EBF1: variants seen among roughly 807,000 people sequenced by gnomAD.
The protein encoded by EBF1 is EBF transcription factor 1.
A neutral mutation model predicts 68.4 loss-of-function variants in EBF1; 10 were observed. The observed-to-expected ratio is 0.15, with a 90% CI of 0.09 to 0.25. The LOEUF (loss-of-function observed/expected upper bound fraction) is 0.25, where lower values mean the gene tolerates loss of function less well. EBF1 is among the 10% of genes least tolerant of loss of function. The probability of loss-of-function intolerance (pLI) is 1.00; values close to 1 mark genes in which losing one functional copy is unlikely to be tolerated. For missense variants in EBF1, 509 were observed against 794.4 expected, an observed-to-expected ratio of 0.64 and a Z score of 4.32; for synonymous variants, 298 against 299.8, an observed-to-expected ratio of 0.99 and a Z score of 0.06.
At chr5:159,040,073 G>A (rs1438054453) in intron 6 of EBF1, among the ~76,000 whole-genome samples, 7 of 152,128 alleles carry the variant, frequency 4.6e-5, no homozygotes, top group East Asian at 1.9e-4. Flanking sequence ...ACAAAAGGAC[G>A]TAGATCCATT....
At chr5:159,043,979 G>A (rs1253997771) in intron 6 of EBF1, among the ~76,000 whole-genome samples, 8 of 152,156 alleles carry the variant, frequency 5.3e-5, no homozygotes, top group Non-Finnish European at 1.2e-4. Context: ...AAGTCACCAA[G>A]GTATCTCTGA....
chr5:158,765,586 A>G (rs1430222158), intron 10 of EBF1, among the ~76,000 whole-genome samples: 1 of 152,138 alleles, frequency 6.6e-6, no homozygotes, highest in Non-Finnish European at 1.5e-5. Flanking sequence ...GAAGTTAACC[A>G]CAGTTGATGT....
intron 9 of EBF1, among the ~76,000 whole-genome samples, chr5:158,785,895 T>C (rs545223485): frequency 3.3e-5 from 5 of 152,334 alleles, no homozygotes; most frequent in Admixed American, 1.3e-4. Flanking sequence ...TCATTGTCCG[T>C]GTCCCCCTAA....
intron 9 of EBF1, among the ~76,000 whole-genome samples, chr5:158,794,954 C>T (rs1037643227): frequency 6.6e-6 from 1 of 152,176 alleles, no homozygotes; most frequent in African/African-American, 2.4e-5. Context: ...GGCTGGGAAG[C>T]TCATCTCTGA....
At chr5:159,081,381 A>G (rs1329849223) in intron 5 of EBF1, among the ~76,000 whole-genome samples, 1 of 152,248 alleles carries the variant, frequency 6.6e-6, no homozygotes, top group African/African-American at 2.4e-5. Context: ...TAAATTAAAC[A>G]TTATCATAGG....
At chr5:159,035,429 C>T (rs2127757650) in intron 6 of EBF1, among the ~76,000 whole-genome samples, 1 of 151,928 alleles carries the variant, frequency 6.6e-6, no homozygotes, top group East Asian at 1.9e-4. Flanking sequence ...TAAATGATAC[C>T]AAAGGTTAAG....
chr5:159,077,745 CTTT>C (rs58717165), intron 5 of EBF1, among the ~76,000 whole-genome samples: 2 of 80,626 alleles, frequency 2.5e-5, no homozygotes, highest in Admixed American at 1.3e-4. Flanking sequence ...CAGTGGTTTG[CTTT>C]TTTTTTTTTT....
chr5:158,757,760 G>A (rs1048724462), intron 10 of EBF1, among the ~76,000 whole-genome samples: 1 of 152,162 alleles, frequency 6.6e-6, no homozygotes, highest in African/African-American at 2.4e-5. Context: ...GTCTTGTAGT[G>A]TTTTTAAGAT....
chr5:158,881,213 C>T (rs1798838053), intron 6 of EBF1, among the ~76,000 whole-genome samples: 1 of 151,996 alleles, frequency 6.6e-6, no homozygotes, highest in Non-Finnish European at 1.5e-5. Flanking sequence ...AGGCAGGCTG[C>T]CCTGCCAATC....
At chr5:159,010,476 G>A (rs758045274) in intron 6 of EBF1, among the ~76,000 whole-genome samples, 9 of 151,340 alleles carry the variant, frequency 5.9e-5, no homozygotes, top group East Asian at 1.9e-4. Flanking sequence ...TTAAAACCCC[G>A]GAAAATACTC....
chr5:158,886,666 T>C (rs1800100928), intron 6 of EBF1, among the ~76,000 whole-genome samples: 1 of 152,192 alleles, frequency 6.6e-6, no homozygotes, highest in South Asian at 2.1e-4. Context: ...TTTGAGAAAA[T>C]GCATACTTAT....
intron 10 of EBF1, among the ~76,000 whole-genome samples, chr5:158,772,946 C>T (rs1043028200): frequency 4.6e-5 from 7 of 152,112 alleles, no homozygotes; most frequent in African/African-American, 1.7e-4. Flanking sequence ...GATAAGGTGA[C>T]TGTGGTTTAG....
At chr5:158,945,685 G>A in intron 6 of EBF1, among the ~76,000 whole-genome samples, 1 of 152,152 alleles carries the variant, frequency 6.6e-6, no homozygotes, top group East Asian at 1.9e-4. Context: ...TCTTTGTGGT[G>A]TTCTCTGTAT....
chr5:159,021,825 G>A (rs1279459281), intron 6 of EBF1, among the ~76,000 whole-genome samples: 1 of 152,158 alleles, frequency 6.6e-6, no homozygotes, highest in Non-Finnish European at 1.5e-5. Context: ...TGCCCTTTTA[G>A]CAATAGCCGT....
intron 6 of EBF1, among the ~76,000 whole-genome samples, chr5:158,938,511 C>T (rs1352262021): frequency 1.3e-5 from 2 of 152,176 alleles, no homozygotes; most frequent in Non-Finnish European, 2.9e-5. Context: ...AACAAAATAC[C>T]ATAGACTGTG....
chr5:158,762,425 T>C (rs1771675958), intron 10 of EBF1, among the ~76,000 whole-genome samples: 1 of 152,248 alleles, frequency 6.6e-6, no homozygotes, highest in Non-Finnish European at 1.5e-5. Flanking sequence ...AATAATTGAG[T>C]GCCTTTTTAG....
rs540276150 is a variant in EBF1, at chr5:158,775,706, A to G, written c.1036+1707T>C. Among the ~76,000 whole-genome samples, 8 of 150,716 alleles carry G rather than the reference A, an allele frequency of 5.3e-5. No homozygotes were observed. The South Asian group carries it at 1.3e-3, about 24-fold the overall frequency. On this transcript the variant is annotated intron_variant, in intron 10 of 15. Transcript: ENST00000313708. Reference sequence around the variant, plus strand: ...GAATGTTACAGTATCAGAAGTTTCAATTGGTCCTTTTCCTGCAGCCCCATA... The same window carrying G: ...GAATGTTACAGTATCAGAAGTTTCAGTTGGTCCTTTTCCTGCAGCCCCATA...
At chr5:158,974,358 A>G (rs1756282375) in intron 6 of EBF1, among the ~76,000 whole-genome samples, 1 of 152,216 alleles carries the variant, frequency 6.6e-6, no homozygotes, top group Non-Finnish European at 1.5e-5. Flanking sequence ...TGAGCTTTCA[A>G]TCCTGAAATT....
chr5:158,913,997 A>C (rs1419522798), intron 6 of EBF1, among the ~76,000 whole-genome samples: 1 of 152,214 alleles, frequency 6.6e-6, no homozygotes, highest in Non-Finnish European at 1.5e-5. Flanking sequence ...AAGACCAGAT[A>C]TCAATAATTT....
Sources: gnomAD v4.1 joint callset for allele counts (sites outside exome capture counted in the v4.1 genomes callset) on GRCh38, gnomAD v4.1.1 for gene constraint, MANE v1.5 for transcripts, NCBI Gene and HGNC (gene_info 2026-07-23, HGNC 2026-07-21) for gene names.